Variants in NPIPB11 observed in about 807,000 individuals in gnomAD.
The protein encoded by NPIPB11 is nuclear pore complex-interacting protein family member B11.
In NPIPB11, 17 loss-of-function variants were observed where a neutral mutation model predicts 32.8. The observed-to-expected ratio is 0.52, with a 90% CI of 0.35 to 0.78. The LOEUF is 0.78. Ranked by LOEUF, NPIPB11 falls within the 30% of genes least tolerant of loss-of-function variation. The pLI is 0.01. For missense variants in NPIPB11, 537 were observed against 1,000.4 expected (o/e 0.54, Z 6.25); for synonymous variants, 209 against 398.4 (o/e 0.52, Z 5.66).
intron 2 of NPIPB11, among the ~76,000 whole-genome samples, chr16:29,401,945 T>C (rs567038734): frequency 1.3e-5 from 2 of 151,134 alleles, no homozygotes; most frequent in African/African-American, 4.9e-5. Context: ...CAGTGATACC[T>C]AGCCCATCCT....
chr16:29,394,143 T>A, intron 2 of NPIPB11, 67 bp from the exon 3 acceptor site: 1 of 1,556,898 alleles, frequency 6.4e-7, no homozygotes, highest in Non-Finnish European at 8.7e-7. Context: ...TCAGAAAGAA[T>A]CATCCTTAGA....
intron 2 of NPIPB11, chr16:29,397,699 G>C (rs1383508628): frequency 3.9e-6 from 3 of 777,714 alleles, no homozygotes; most frequent in African/African-American, 1.9e-5. Context: ...AGGTGGCTTA[G>C]GGCAGGGGGG....
At chr16:29,402,698 G>GTCTCTC (rs762980727) in intron 2 of NPIPB11, among the ~76,000 whole-genome samples, 2,570 of 117,794 alleles carry the variant, frequency 0.022, 3 homozygotes, top group Admixed American at 0.045. Flanking sequence ...GTGAAACTCT[G>GTCTCTC]TCTCTCTCTC....
intron 2 of NPIPB11, among the ~76,000 whole-genome samples, chr16:29,396,048 T>C (rs1390342829): frequency 2.0e-5 from 3 of 148,686 alleles, no homozygotes; most frequent in African/African-American, 7.4e-5. Flanking sequence ...TTCTCTAAGA[T>C]TGTTGATATT....
At position 29,402,628 on chromosome 16, in the gene NPIPB11, G is replaced by A. The variant is rs534174443; in HGVS notation, c.120+1055C>T. Among the ~76,000 whole-genome samples, 28 of 140,658 alleles carry A rather than the reference G, an allele frequency of 2.0e-4. 1 individual carries two copies. Among genetic ancestry groups the A allele is most frequent in the Admixed American group, 7.0e-4 (10 of 14,290 alleles). 92.3% of individuals were successfully genotyped at this position (140,658 alleles called of 152,430 possible). A position where few individuals can be genotyped will look rare whatever the true frequency, so the allele number is the denominator to read the frequency against. ...TGAGGCAGAGGAATTGCTTGAACCC[G>A]GGAGACGGAGGTTGCAGTGAGCCAA... On this transcript the variant is annotated intron_variant, in intron 2 of 7. Transcript: ENST00000524087.
At chr16:29,400,031 C>T (rs144147996) in intron 2 of NPIPB11, among the ~76,000 whole-genome samples, 4 of 151,798 alleles carry the variant, frequency 2.6e-5, no homozygotes, top group Non-Finnish European at 4.4e-5. Context: ...GAGCCGAGAT[C>T]GTGCCATTCC....
chr16:29,391,656 C>T (rs1195545475), intron 3 of NPIPB11, among the ~76,000 whole-genome samples: 3 of 152,092 alleles, frequency 2.0e-5, no homozygotes, highest in Non-Finnish European at 4.4e-5. Flanking sequence ...CTCATCATAG[C>T]GAAAATGCAA....
chr16:29,388,938 T>A (rs1301694989), intron 5 of NPIPB11, among the ~76,000 whole-genome samples: 1 of 135,432 alleles, frequency 7.4e-6, no homozygotes, highest in Non-Finnish European at 1.6e-5. Flanking sequence ...GGCTCACGCC[T>A]GTAATCCCAG....
At chr16:29,399,758 T>A (rs1210836204) in intron 2 of NPIPB11, among the ~76,000 whole-genome samples, 1 of 150,196 alleles carries the variant, frequency 6.7e-6, no homozygotes, top group African/African-American at 2.4e-5. Context: ...GGAATTCAAT[T>A]CTATTTATAT....
At chr16:29,394,775 T>A (rs1963812425) in intron 2 of NPIPB11, among the ~76,000 whole-genome samples, 1 of 144,776 alleles carries the variant, frequency 6.9e-6, no homozygotes, top group Admixed American at 6.8e-5. Context: ...AGATGGGGTC[T>A]CACTCTGTCA....
In NPIPB11 at chr16:29,394,600, C is replaced by A. The variant is rs978036230; in HGVS notation, c.121-524G>T. ...CAGGTCTCTGCCACCATGCCCGACT[C>A]ATTTTTGTATTTTTAGTAGAGATGA... On this transcript the variant is annotated intron_variant, in intron 2 of 7. Transcript: ENST00000524087. Among the ~76,000 whole-genome samples, 64 of 151,184 alleles carry A rather than the reference C, an allele frequency of 4.2e-4. 1 individual carries two copies. The highest frequency in any genetic ancestry group is 1.5e-3 in the African/African-American group (62 of 41,244).
intron 2 of NPIPB11, among the ~76,000 whole-genome samples, chr16:29,401,246 A>C (rs1276241866): frequency 6.6e-6 from 1 of 152,076 alleles, no homozygotes; most frequent in Non-Finnish European, 1.5e-5. Context: ...ATTTAACTTA[A>C]AGGAACTAAA....
chr16:29,402,467 G>A (rs1462258373), intron 2 of NPIPB11, among the ~76,000 whole-genome samples: 1 of 106,026 alleles, frequency 9.4e-6, no homozygotes, highest in Non-Finnish European at 1.8e-5. Flanking sequence ...CACTTTGGGA[G>A]GCCACGGTGG....
At chr16:29,395,884 A>C (rs1483242533) in intron 2 of NPIPB11, among the ~76,000 whole-genome samples, 1 of 151,456 alleles carries the variant, frequency 6.6e-6, no homozygotes, top group Non-Finnish European at 1.5e-5. Flanking sequence ...AGGCTGAGGC[A>C]GAAGAATCAC....
Position 29,389,869 on chromosome 16 carries a change from A to G in NPIPB11, c.545+72T>C, listed in dbSNP as rs559860573. ...ACAAATATTGTAGAAAATATTCTCA[A>G]GGACTTTACAGTTGTCTACTTTGAT... On this transcript the variant is annotated intron_variant, in intron 5 of 7. Transcript: ENST00000524087. 1.1e-4 allele frequency: 180 copies of G among 1,571,402 alleles called. 1 individual carries two copies. The African/African-American group carries it at 2.2e-3, about 19-fold the overall frequency.
chr16:29,402,724 C>CTCTCTCTCTGTGTGTGTGTG (rs1449821025), intron 2 of NPIPB11, among the ~76,000 whole-genome samples: 6 of 119,630 alleles, frequency 5.0e-5, no homozygotes, highest in East Asian at 2.9e-4. Flanking sequence ...CTCTCTCTCT[C>CTCTCTCTCTGTGTGTGTGTG]TGTGTGTGTG....
At chr16:29,405,803 G>C (rs553672906), upstream of NPIPB11, among the ~76,000 whole-genome samples, 1,456 of 151,910 alleles carry the variant, frequency 9.6e-3, 21 homozygotes, top group African/African-American at 0.029. Context: ...AGTAAAGATG[G>C]CATTCTCATG....
intron 3 of NPIPB11, among the ~76,000 whole-genome samples, chr16:29,393,394 G>C (rs928021485): frequency 2.0e-5 from 3 of 151,702 alleles, no homozygotes; most frequent in African/African-American, 7.3e-5. Flanking sequence ...ATCATTTGCT[G>C]CCCCTCTAAA....
intron 2 of NPIPB11, among the ~76,000 whole-genome samples, chr16:29,398,921 C>T (rs1963923933): frequency 6.6e-6 from 1 of 151,750 alleles, no homozygotes; most frequent in South Asian, 2.1e-4. Flanking sequence ...ATCTTACTGC[C>T]TGTGTGTGTG....
Sources: gnomAD v4.1 joint callset for allele counts (sites outside exome capture counted in the v4.1 genomes callset) on GRCh38, gnomAD v4.1.1 for gene constraint, MANE v1.5 for transcripts, NCBI Gene and HGNC (gene_info 2026-07-23, HGNC 2026-07-21) for gene names.